RNF222: variants seen among roughly 807,000 people sequenced by gnomAD.
RNF222 encodes the protein RING finger protein LOC643904.
A neutral mutation model predicts 10.8 loss-of-function variants in RNF222; 14 were observed. That is an observed-to-expected ratio of 1.30 (90% CI 0.86 to 2.03). RNF222 has a LOEUF of 2.03. Among genes scored for constraint, RNF222 ranks in the 30% most tolerant of loss-of-function variants. The probability of loss-of-function intolerance (pLI) is 0.00; values close to 1 mark genes in which losing one functional copy is unlikely to be tolerated. For missense variants in RNF222, 298 were observed against 295.8 expected (o/e 1.01, Z -0.06); for synonymous variants, 141 against 142.5 (o/e 0.99, Z 0.07).
Position 8,393,421 on chromosome 17 carries a change from CACT to C in RNF222, c.38_40del (p.Glu13_Cys14delinsGly), listed in dbSNP as rs1199785746. On this transcript the variant is annotated inframe_deletion, in exon 3 of 3. Transcript: ENST00000399398. The stretch of plus-strand genomic sequence containing the variant: ...CCGGAACTTCTCATAGCACACGGGG[CACT>C]CACTGCCCGAGCTGTCCTTGCTCTC... 6.4e-7 allele frequency: 1 copy of C among 1,551,314 alleles called. No individual in the cohort carries two copies. Among genetic ancestry groups the C allele is most frequent in the Non-Finnish European group, 8.7e-7 (1 of 1,146,870 alleles).
rs1482754784 is a variant in RNF222, at chr17:8,393,374, T to C, written c.88A>G (p.Thr30Ala). Residue 30 changes from threonine to alanine, a missense_variant, in exon 3 of 3, where the codon ACG becomes GCG. By Grantham distance (58) the Thr-to-Ala change is moderately conservative (BLOSUM62 0). Coordinates refer to ENST00000399398, the MANE Select transcript of RNF222 (RefSeq NM_001146684.3). ...KFRDLEGASR[T>A]LSCGHVFCHD... ...CAGAACACATGGCCACAGCTCAGCG[T>C]CCGGCTGGCGCCCTCCAGGTCCCGG... 1 of 1,551,636 alleles carries C rather than the reference T, an allele frequency of 6.4e-7. No individual in the cohort carries two copies. Among genetic ancestry groups the C allele is most frequent in the South Asian group, 1.2e-5 (1 of 84,062 alleles).
At chr17:8,393,576 C>G (rs1473600502) in intron 2 of RNF222, 90 bp from the exon 3 acceptor site, 3 of 1,430,374 alleles carry the variant, frequency 2.1e-6, no homozygotes, top group Admixed American at 5.3e-5. Context: ...TCCACTGCCC[C>G]TTATCCCCTC....
In RNF222 at chr17:8,392,505, C is replaced by G; in HGVS notation, c.*294G>C. On this transcript the variant is annotated 3_prime_UTR_variant, in exon 3 of 3. Coordinates refer to ENST00000399398, the MANE Select transcript of RNF222 (RefSeq NM_001146684.3). This position sits in a 1 kb window ranked among gnomAD's most constrained non-coding sequence, Gnocchi z 4.3. Reference sequence around the variant, plus strand: ...GGCAGGTAAGGTCTGCCGCTCAGGGCTGGTGAGCCTGCAGGAGGGCAGTGA... The same window carrying G: ...GGCAGGTAAGGTCTGCCGCTCAGGGGTGGTGAGCCTGCAGGAGGGCAGTGA... 1 of 438,942 alleles carries G rather than the reference C, an allele frequency of 2.3e-6. No individual in the cohort carries two copies. Among genetic ancestry groups the G allele is most frequent in the Non-Finnish European group, 4.1e-6 (1 of 244,476 alleles). The allele number at this position is 438,942 out of a possible 1,614,324, so 27.2% of individuals were successfully genotyped here. A position where few individuals can be genotyped will look rare whatever the true frequency, so the allele number is the denominator to read the frequency against.
Position 8,393,313 on chromosome 17 carries a change from CG to C in RNF222, c.148del (p.Arg50AlafsTer167). ...DCLVKYLLST[R>X]VDGQVQRTLV... ...GGTCCTCTGGACCTGCCCATCCACG[CG>C]GGTGGACAGCAGGTACTTGACCAGG... On this transcript the variant is annotated frameshift_variant, in exon 3 of 3. Transcript: ENST00000399398. LOFTEE classifies it high-confidence loss of function. 6.4e-7 allele frequency: 1 copy of C among 1,551,590 alleles called. No individual in the cohort carries two copies. The highest frequency in any genetic ancestry group is 8.7e-7 in the Non-Finnish European group (1 of 1,146,976).
intron 1 of RNF222, among the ~76,000 whole-genome samples, chr17:8,394,874 C>G (rs1268410963): frequency 6.6e-6 from 1 of 152,180 alleles, no homozygotes; most frequent in Non-Finnish European, 1.5e-5. Context: ...TGAAAAGTTC[C>G]CAGTGTCACA....
At chr17:8,397,596 T>C (rs4792805) in intron 1 of RNF222, 99 bp downstream of exon 1, 111,965 of 152,298 alleles carry the variant, frequency 0.74, 41,620 homozygotes, top group African/African-American at 0.78. Context: ...TTTCTCTCTC[T>C]CTCATTCTCC....
rs1907918509 is a variant in RNF222, at chr17:8,393,219, C to G, written c.243G>C (p.Leu81=). ...SKKSSRWPSM[L]DKSSQTLAVP... ...CAGCCAGCGTCTGGGAGCTCTTGTC[C>G]AGCATGGAGGGCCAGCGGGAGCTCT... is the stretch of plus-strand genomic sequence containing the variant. The change falls in exon 3 of 3, where the codon CTG becomes CTC. Residue 81 remains leucine, a synonymous_variant. Coordinates refer to ENST00000399398, the MANE Select transcript of RNF222 (RefSeq NM_001146684.3). 1 of 1,550,824 alleles carries G rather than the reference C, an allele frequency of 6.4e-7. No individual in the cohort carries two copies. Among genetic ancestry groups the G allele is most frequent in the African/African-American group, 1.4e-5 (1 of 73,050 alleles).
At position 8,393,217 on chromosome 17, in the gene RNF222, T is replaced by G; in HGVS notation, c.245A>C (p.Asp82Ala). 6.4e-7 allele frequency: 1 copy of G among 1,550,854 alleles called. No individual in the cohort carries two copies. Among genetic ancestry groups the G allele is most frequent in the Non-Finnish European group, 8.7e-7 (1 of 1,146,954 alleles). The change falls in exon 3 of 3, where the codon GAC becomes GCC. Residue 82 changes from aspartate to alanine, a missense_variant. Transcript: ENST00000399398. ...CACAGCCAGCGTCTGGGAGCTCTTG[T>G]CCAGCATGGAGGGCCAGCGGGAGCT... is the stretch of plus-strand genomic sequence containing the variant. ...KKSSRWPSML[D>A]KSSQTLAVPV...
intron 2 of RNF222, among the ~76,000 whole-genome samples, chr17:8,393,961 A>G (rs554815760): frequency 6.6e-6 from 1 of 152,232 alleles, no homozygotes; most frequent in South Asian, 2.1e-4. Flanking sequence ...CAGAGTGGCC[A>G]TTTTCCAGAA....
intron 1 of RNF222, among the ~76,000 whole-genome samples, chr17:8,396,779 C>T (rs11867632): frequency 0.041 from 6,258 of 152,270 alleles, 415 homozygotes; most frequent in African/African-American, 0.14. Context: ...CTCTCGCTTT[C>T]TGAATCCCAT....
chr17:8,393,093 G>A lies in RNF222; in HGVS notation c.369C>T (p.Ala123=). ...SPAWRPPPGQ[A]RPPGSPGQSA... is the part of the protein sequence containing the mutation. ...TCTGGCCCGGGCTGCCTGGCGGCCTGGCCTGGCCTGGAGGTGGCCTCCAGG... is the reference window on the plus strand; with the variant it reads ...TCTGGCCCGGGCTGCCTGGCGGCCTAGCCTGGCCTGGAGGTGGCCTCCAGG... The change falls in exon 3 of 3, where the codon GCC becomes GCT. Residue 123 remains alanine (A), a synonymous_variant. Transcript: ENST00000399398. The A allele has an allele frequency of 6.6e-7, 1 of 1,504,156 alleles. No individual in the cohort carries two copies. Among genetic ancestry groups the A allele is most frequent in the South Asian group, 1.3e-5 (1 of 77,374 alleles). 93.2% of individuals were successfully genotyped at this position (1,504,156 alleles called of 1,614,324 possible).
Position 8,392,469 on chromosome 17 carries a change from G to A in RNF222, c.*330C>T, listed in dbSNP as rs1907866700. The A allele has an allele frequency of 3.2e-6, 1 of 315,728 alleles. No individual in the cohort carries two copies. The highest frequency in any genetic ancestry group is 5.9e-6 in the Non-Finnish European group (1 of 169,066). The allele number at this position is 315,728 out of a possible 1,614,324, so 19.6% of individuals were successfully genotyped here. A position where few individuals can be genotyped will look rare whatever the true frequency, so the allele number is the denominator to read the frequency against. ...CCTGGAGGGGCCCACCTGGCTTTGGGCAGGTCACCTGGCAGGTAAGGTCTG... is the reference window on the plus strand; with the variant it reads ...CCTGGAGGGGCCCACCTGGCTTTGGACAGGTCACCTGGCAGGTAAGGTCTG... On this transcript the variant is annotated 3_prime_UTR_variant, in exon 3 of 3. Transcript: ENST00000399398. This position sits in a 1 kb window ranked among gnomAD's most constrained non-coding sequence, Gnocchi z 4.3.
chr17:8,395,289 G>T (rs1219964079), intron 1 of RNF222, among the ~76,000 whole-genome samples: 1 of 152,194 alleles, frequency 6.6e-6, no homozygotes, highest in African/African-American at 2.4e-5. Context: ...GGGGATGGGG[G>T]TTCAAATCTT....
rs184536099 is a variant in RNF222 at position 8,392,582 on chromosome 17, C to A, written c.*217G>T. 2.4e-5 allele frequency: 14 copies of A among 580,922 alleles called. No individual in the cohort carries two copies. The East Asian group carries it at 4.5e-4, about 18-fold the overall frequency. The allele number at this position is 580,922 out of a possible 1,614,324, so 36.0% of individuals were successfully genotyped here. A position where few individuals can be genotyped will look rare whatever the true frequency, so the allele number is the denominator to read the frequency against. On this transcript the variant is annotated 3_prime_UTR_variant, in exon 3 of 3. Transcript: ENST00000399398. The surrounding 1 kb of genome is among the most constrained non-coding windows in gnomAD (Gnocchi z 4.3). ...GGGGAACGCATCTGCTGAGGATTCA[C>A]GTGGGGAACACGCGCCGCGCGCATG...
At chr17:8,395,130 T>A (rs1907999555) in intron 1 of RNF222, among the ~76,000 whole-genome samples, 1 of 152,224 alleles carries the variant, frequency 6.6e-6, no homozygotes, top group African/African-American at 2.4e-5. Context: ...GCTCCAAATC[T>A]ATTTTGCCGA....
Position 8,391,067 on chromosome 17 carries a change from C to G in RNF222, c.*1732G>C, listed in dbSNP as rs1467879826. The stretch of plus-strand genomic sequence containing the variant: ...TTTAGACAGAGTCTCGCTCTGTCAC[C>G]CAGGCTGGAGTGCAGTGGCGCGATC... On this transcript the variant is annotated 3_prime_UTR_variant, in exon 3 of 3. Transcript: ENST00000399398. 1 of 152,024 alleles carries G rather than the reference C, an allele frequency of 6.6e-6. No individual in the cohort carries two copies. The highest frequency in any genetic ancestry group is 6.6e-5 in the Admixed American group (1 of 15,242). 9.4% of individuals were successfully genotyped at this position (152,024 alleles called of 1,614,324 possible).
chr17:8,393,398 G>A lies in RNF222; in HGVS notation c.64C>T (p.Arg22Trp), dbSNP rs752545929. The change falls in exon 3 of 3, where the codon CGG becomes TGG. Residue 22 changes from arginine (R) to tryptophan (W), a missense_variant. Transcript: ENST00000399398. Reference protein sequence around the residue: ...SECPVCYEKFRDLEGASRTLS... With the variant: ...SECPVCYEKFWDLEGASRTLS... ...GTCCGGCTGGCGCCCTCCAGGTCCCGGAACTTCTCATAGCACACGGGGCAC... is the reference window on the plus strand; with the variant it reads ...GTCCGGCTGGCGCCCTCCAGGTCCCAGAACTTCTCATAGCACACGGGGCAC... The A allele has an allele frequency of 1.6e-5, 25 of 1,551,630 alleles. 1 individual carries two copies. The highest frequency in any genetic ancestry group is 1.7e-4 in the Middle Eastern group (1 of 5,992).
rs1907795002 is a variant in RNF222, at chr17:8,390,726, T to C, written c.*2073A>G. The C allele has an allele frequency of 6.6e-6, 1 of 152,216 alleles. No homozygotes were observed. The highest frequency in any genetic ancestry group is 2.1e-4 in the South Asian group (1 of 4,832). The allele number at this position is 152,216 out of a possible 1,614,324, so 9.4% of individuals were successfully genotyped here. On this transcript the variant is annotated 3_prime_UTR_variant, in exon 3 of 3. Transcript: ENST00000399398. ...ATCTTTGAGAAAATATATACCTTTA[T>C]TTTAAAAATAGCTTTTGGCATTCTC...
At position 8,393,075 on chromosome 17, in the gene RNF222, C is replaced by T. The variant is rs1454352832; in HGVS notation, c.387G>A (p.Pro129=). 12 of 1,492,120 alleles carry T rather than the reference C, an allele frequency of 8.0e-6. No individual in the cohort carries two copies. Among genetic ancestry groups the T allele is most frequent in the Middle Eastern group, 1.8e-4 (1 of 5,678 alleles). The allele number at this position is 1,492,120 out of a possible 1,614,324, so 92.4% of individuals were successfully genotyped here. ...PPGQARPPGS[P]GQSAQLPLDL... ...CCAGGGGGAGCTGGGCGCTCTGGCC[C>T]GGGCTGCCTGGCGGCCTGGCCTGGC... is the stretch of plus-strand genomic sequence containing the variant. Residue 129 remains proline, a synonymous_variant, in exon 3 of 3, where the codon CCG becomes CCA. Coordinates refer to ENST00000399398, the MANE Select transcript of RNF222 (RefSeq NM_001146684.3).
Sources: allele counts gnomAD v4.1 joint callset (sites outside exome capture counted in the v4.1 genomes callset), GRCh38; gene constraint gnomAD v4.1.1; non-coding constraint Gnocchi (gnomAD v3.1); transcripts MANE v1.5; gene names NCBI Gene and HGNC (gene_info 2026-07-23, HGNC 2026-07-21).